OVOL2: variants seen among roughly 807,000 people sequenced by gnomAD.
The protein encoded by OVOL2 is transcription factor Ovo-like 2.
Under a neutral mutation model 18.1 loss-of-function variants are expected in OVOL2, and 13 were observed. That is an observed-to-expected ratio of 0.72 (90% CI 0.47 to 1.14). The LOEUF (loss-of-function observed/expected upper bound fraction) is 1.14, where lower values mean the gene tolerates loss of function less well. OVOL2 is among the 50% of genes most tolerant of loss of function. The probability of loss-of-function intolerance (pLI) is 0.00; values close to 1 mark genes in which losing one functional copy is unlikely to be tolerated. For synonymous variants in OVOL2, 166 were observed against 162.7 expected, an observed-to-expected ratio of 1.02 and a Z score of -0.16; for missense variants, 335 against 383.0, an observed-to-expected ratio of 0.87 and a Z score of 1.05.
chr20:18,031,560 G>C (rs1175585790), intron 3 of OVOL2, among the ~76,000 whole-genome samples: 4 of 152,070 alleles, frequency 2.6e-5, no homozygotes, highest in Non-Finnish European at 1.5e-5. Flanking sequence ...CTGGGTAACG[G>C]AGCGAGACTC....
intron 2 of OVOL2, among the ~76,000 whole-genome samples, chr20:18,042,105 G>A (rs971441122): frequency 1.3e-5 from 2 of 151,804 alleles, no homozygotes; most frequent in Non-Finnish European, 2.9e-5. Context: ...TAGAGACAGG[G>A]TTTCACCATG....
chr20:18,031,397 C>T (rs1314312161), intron 3 of OVOL2, among the ~76,000 whole-genome samples: 1 of 151,992 alleles, frequency 6.6e-6, no homozygotes, highest in African/African-American at 2.4e-5. Flanking sequence ...TATGGTGAAA[C>T]CCCACCTCTA....
intron 2 of OVOL2, among the ~76,000 whole-genome samples, chr20:18,051,326 G>A (rs774369200): frequency 5.3e-5 from 8 of 152,092 alleles, no homozygotes; most frequent in Non-Finnish European, 8.8e-5. Context: ...AGCGAATCCA[G>A]CATTATTCTG....
In OVOL2 at chr20:18,041,443, A is replaced by C. The variant is rs956045603; in HGVS notation, c.511+91T>G. ...CTTTCTAGAAACACAACATTGTTCCACGGTCTCAACCTGGTTTTTTGGTGG... is the reference window on the plus strand; with the variant it reads ...CTTTCTAGAAACACAACATTGTTCCCCGGTCTCAACCTGGTTTTTTGGTGG... On this transcript the variant is annotated intron_variant, in intron 3 of 3. Coordinates refer to ENST00000278780, the MANE Select transcript of OVOL2 (RefSeq NM_021220.4). 5.6e-6 allele frequency: 8 copies of C among 1,433,752 alleles called. No homozygotes were observed. In the African/African-American group the frequency reaches 1.1e-4, roughly 20 times the overall value. The allele number at this position is 1,433,752 out of a possible 1,614,324, so 88.8% of individuals were successfully genotyped here. A position where few individuals can be genotyped will look rare whatever the true frequency, so the allele number is the denominator to read the frequency against.
intron 2 of OVOL2, among the ~76,000 whole-genome samples, chr20:18,042,637 G>A (rs901111840): frequency 2.0e-5 from 3 of 152,064 alleles, no homozygotes; most frequent in South Asian, 2.1e-4. Context: ...TTAGCCAGGC[G>A]TGGTGGTGCA....
chr20:18,041,444 C>T (rs2036667131), intron 3 of OVOL2, 90 bp downstream of exon 3: 26 of 1,433,638 alleles, frequency 1.8e-5, no homozygotes, highest in South Asian at 9.5e-5. Context: ...CATTGTTCCA[C>T]GGTCTCAACC....
chr20:18,035,335 C>T (rs1445254965), intron 3 of OVOL2, among the ~76,000 whole-genome samples: 1 of 152,178 alleles, frequency 6.6e-6, no homozygotes, highest in Non-Finnish European at 1.5e-5. Context: ...CCTATAATCC[C>T]AGCTACAGCT....
At chr20:18,042,928 A>G (rs1488243966) in intron 2 of OVOL2, among the ~76,000 whole-genome samples, 2 of 152,146 alleles carry the variant, frequency 1.3e-5, no homozygotes, top group Non-Finnish European at 2.9e-5. Context: ...TGCTTCTTGT[A>G]TAGCCTGCAG....
chr20:18,057,545 G>A lies in OVOL2; in HGVS notation c.90C>T (p.Thr30=), dbSNP rs1297407354. The change falls in exon 1 of 4, where the codon ACC becomes ACT. Residue 30 remains threonine (T), a synonymous_variant. Transcript: ENST00000278780. This position sits in a 1 kb window ranked among gnomAD's most constrained non-coding sequence, Gnocchi z 6.3. ...DELPDEKRAD[T]YIPVGLGRLL... is the part of the protein sequence containing the mutation. ...CCCGCGCGCGCTCACCTGGGATGTA[G>A]GTGTCTGCCCTTTTCTCATCCGGGA... 13 of 1,583,862 alleles carry A rather than the reference G, an allele frequency of 8.2e-6. No individual in the cohort carries two copies. Among genetic ancestry groups the A allele is most frequent in the Non-Finnish European group, 1.1e-5 (13 of 1,164,790 alleles).
intron 3 of OVOL2, among the ~76,000 whole-genome samples, chr20:18,026,580 A>ACC (rs2036519729): frequency 6.6e-6 from 1 of 151,992 alleles, no homozygotes; most frequent in African/African-American, 2.4e-5. Context: ...ACGGGGTTTC[A>ACC]CCATGTTAGC....
upstream of OVOL2, chr20:18,058,767 GGAAAGCT>G (rs1340883259): frequency 6.6e-6 from 1 of 152,246 alleles, no homozygotes. Flanking sequence ...CGGGGAGGTA[GGAAAGCT>G]TTGCATTTAT....
chr20:18,056,525 C>T lies in OVOL2; in HGVS notation c.321+132G>A, dbSNP rs1600455297. On this transcript the variant is annotated intron_variant, in intron 2 of 3. Transcript: ENST00000278780. The surrounding 1 kb of genome is among the most constrained non-coding windows in gnomAD (Gnocchi z 4.2). ...CGCCGCCCAGGGGCAGGTGCAGGAGCGGCGCGGCGGGCGCGCTCGGGGCGC... is the reference window on the plus strand; with the variant it reads ...CGCCGCCCAGGGGCAGGTGCAGGAGTGGCGCGGCGGGCGCGCTCGGGGCGC... The T allele has an allele frequency of 9.8e-7, 1 of 1,023,526 alleles. No individual in the cohort carries two copies. Among genetic ancestry groups the T allele is most frequent in the Non-Finnish European group, 1.2e-6 (1 of 856,046 alleles). The allele number at this position is 1,023,526 out of a possible 1,614,324, so 63.4% of individuals were successfully genotyped here.
chr20:18,059,157 C>A (rs892509874), upstream of OVOL2: 2 of 152,300 alleles, frequency 1.3e-5, no homozygotes, highest in African/African-American at 4.8e-5. Context: ...TGTTCCCTTC[C>A]GCCCTGAATG....
chr20:18,029,244 A>C (rs113037525), intron 3 of OVOL2, among the ~76,000 whole-genome samples: 1,709 of 152,016 alleles, frequency 0.011, 29 homozygotes, highest in African/African-American at 0.039. Flanking sequence ...GACCAGGCTG[A>C]TCTTGAACTC....
At chr20:18,045,888 A>G (rs986973899) in intron 2 of OVOL2, among the ~76,000 whole-genome samples, 1 of 152,164 alleles carries the variant, frequency 6.6e-6, no homozygotes, top group Non-Finnish European at 1.5e-5. Context: ...TTAGAGCAAA[A>G]ATGGAAATTC....
intron 3 of OVOL2, among the ~76,000 whole-genome samples, chr20:18,037,846 A>G (rs2036631351): frequency 6.6e-6 from 1 of 151,256 alleles, no homozygotes; most frequent in South Asian, 2.1e-4. Flanking sequence ...TTCCCTCCTG[A>G]CCTCCCCTCC....
intron 3 of OVOL2, among the ~76,000 whole-genome samples, chr20:18,040,652 A>G (rs564734829): frequency 3.4e-4 from 52 of 152,308 alleles, no homozygotes; most frequent in African/African-American, 1.3e-3. Flanking sequence ...CAAGAGGCCA[A>G]GGGCACCCCC....
At chr20:18,041,809 T>G in intron 2 of OVOL2, 86 bp from the exon 3 acceptor site, 1 of 1,311,084 alleles carries the variant, frequency 7.6e-7, no homozygotes, top group Non-Finnish European at 1.0e-6. Context: ...CCCTGTGTCT[T>G]GAGGCTGCCC....
At chr20:18,050,527 A>G (rs1269732020) in intron 2 of OVOL2, 1 of 152,198 alleles carries the variant, frequency 6.6e-6, no homozygotes, top group African/African-American at 2.4e-5. Flanking sequence ...AACTAAGCCT[A>G]TGTAGTCCTT....
Sources: gnomAD v4.1 joint callset for allele counts (sites outside exome capture counted in the v4.1 genomes callset) on GRCh38, gnomAD v4.1.1 for gene constraint, Gnocchi (gnomAD v3.1) non-coding constraint, MANE v1.5 for transcripts, NCBI Gene and HGNC (gene_info 2026-07-23, HGNC 2026-07-21) for gene names.